CALHM4: variants seen among roughly 807,000 people sequenced by gnomAD.
The protein encoded by CALHM4 is calcium homeostasis modulator protein 4.
A neutral mutation model predicts 13.3 loss-of-function variants in CALHM4; 16 were observed. The ratio of observed to expected loss-of-function variants is 1.20; its 90% CI spans 0.81 to 1.82. CALHM4 has a LOEUF of 1.82. Among genes scored for constraint, CALHM4 ranks in the 40% most tolerant of loss-of-function variants. The probability of loss-of-function intolerance (pLI) is 0.00; values close to 1 mark genes in which losing one functional copy is unlikely to be tolerated. For missense variants in CALHM4, 344 were observed against 374.9 expected (o/e 0.92, Z 0.68); for synonymous variants, 127 against 137.1 (o/e 0.93, Z 0.52).
intron 1 of CALHM4, chr6:116,543,357 T>TGG: frequency 6.5e-7 from 1 of 1,550,090 alleles, no homozygotes; most frequent in Non-Finnish European, 8.7e-7. Context: ...CTTACACAGC[T>TGG]GGGCAACCAG....
intron 1 of CALHM4, among the ~76,000 whole-genome samples, chr6:116,557,399 T>C (rs1215245456): frequency 6.6e-6 from 1 of 152,230 alleles, no homozygotes; most frequent in African/African-American, 2.4e-5. Context: ...TTATGTATCA[T>C]ATCATTTTCA....
chr6:116,554,998 C>T (rs566008747), intron 1 of CALHM4, among the ~76,000 whole-genome samples: 1 of 152,166 alleles, frequency 6.6e-6, no homozygotes, highest in African/African-American at 2.4e-5. Context: ...TCATCAATTT[C>T]TCCAAGGGAT....
intron 1 of CALHM4, chr6:116,540,345 A>G (rs1462437086): frequency 1.3e-6 from 2 of 1,545,890 alleles, no homozygotes; most frequent in Admixed American, 3.9e-5. Context: ...ATATTGACAG[A>G]GATAAAAACA....
At chr6:116,537,850 C>G (rs1210838496) in intron 1 of CALHM4, among the ~76,000 whole-genome samples, 2 of 152,082 alleles carry the variant, frequency 1.3e-5, no homozygotes, top group African/African-American at 2.4e-5. Context: ...GAGTAAATAC[C>G]CAGTAAGAAG....
At chr6:116,556,643 C>T (rs13203768) in intron 1 of CALHM4, among the ~76,000 whole-genome samples, 57,283 of 152,034 alleles carry the variant, frequency 0.38, 12,427 homozygotes, top group East Asian at 0.54. Flanking sequence ...ATACTGCTAG[C>T]GTCCCTAAAT....
rs1774494424 is a variant in CALHM4, at chr6:116,559,607, A to G, written c.*1396A>G. Among the ~76,000 whole-genome samples the G allele has an allele frequency of 6.6e-6, 1 of 152,138 alleles. No homozygotes were observed. Among genetic ancestry groups the G allele is most frequent in the Non-Finnish European group, 1.5e-5 (1 of 68,002 alleles). On this transcript the variant is annotated 3_prime_UTR_variant, in exon 2 of 2. Coordinates refer to ENST00000368596, the MANE Select transcript of CALHM4 (RefSeq NM_001366078.2). ...GGGACAGGAGAACTGTCCTGCCCTC[A>G]CCATTACTCATCTGTCATTTGACCT...
intron 1 of CALHM4, among the ~76,000 whole-genome samples, chr6:116,535,330 TA>T (rs1773008574): frequency 6.6e-6 from 1 of 152,200 alleles, no homozygotes; most frequent in Non-Finnish European, 1.5e-5. Flanking sequence ...TCTTCCTTTT[TA>T]ATCTCCACTA....
chr6:116,531,896 TA>T (rs1183540019), intron 1 of CALHM4, among the ~76,000 whole-genome samples: 1 of 149,852 alleles, frequency 6.7e-6, no homozygotes, highest in African/African-American at 2.4e-5. Context: ...TATTTAATTT[TA>T]AAATATAATA....
intron 1 of CALHM4, among the ~76,000 whole-genome samples, chr6:116,534,720 T>TA (rs1480030418): frequency 6.6e-6 from 1 of 151,366 alleles, no homozygotes; most frequent in Admixed American, 6.5e-5. Context: ...CTTGATTTTT[T>TA]ATTACTCATC....
rs868226449 is a variant in CALHM4 at position 116,554,353 on chromosome 6, T to G, written c.558+2T>G. On this transcript the variant is annotated splice_donor_variant, in intron 1 of 1. Transcript: ENST00000368596. LOFTEE classifies it high-confidence loss of function. Reference sequence around the variant, plus strand: ...CTTCTGCACAGATACCAGTCACAGGTAAGTTTTTAGAATTTTTTTCCCTCT... The same window carrying G: ...CTTCTGCACAGATACCAGTCACAGGGAAGTTTTTAGAATTTTTTTCCCTCT... The G allele has an allele frequency of 2.1e-5, 32 of 1,520,382 alleles. No homozygotes were observed. The highest frequency in any genetic ancestry group is 2.7e-5 in the Non-Finnish European group (31 of 1,135,350). The allele number at this position is 1,520,382 out of a possible 1,614,324, so 94.2% of individuals were successfully genotyped here.
At chr6:116,537,206 G>A (rs1773155319) in intron 1 of CALHM4, among the ~76,000 whole-genome samples, 1 of 152,234 alleles carries the variant, frequency 6.6e-6, no homozygotes, top group African/African-American at 2.4e-5. Flanking sequence ...TTGCATAGGA[G>A]TGGAAGTGGA....
chr6:116,538,749 T>TG (rs1773249582), intron 1 of CALHM4, among the ~76,000 whole-genome samples: 4 of 151,580 alleles, frequency 2.6e-5, no homozygotes, highest in Admixed American at 2.6e-4. Context: ...TTTTTTTTTT[T>TG]GAAACAGGGT....
rs533257020 is a variant in CALHM4, at chr6:116,559,957, A to C, written c.*1746A>C. ...TGTACTGATCTTTTTCAAGTCATCA[A>C]GGAAAGCCATTCCAGTTTGTCTACT... On this transcript the variant is annotated 3_prime_UTR_variant, in exon 2 of 2. Coordinates refer to ENST00000368596, the MANE Select transcript of CALHM4 (RefSeq NM_001366078.2). Among the ~76,000 whole-genome samples the C allele has an allele frequency of 6.6e-6, 1 of 152,304 alleles. No homozygotes were observed. The highest frequency in any genetic ancestry group is 1.5e-5 in the Non-Finnish European group (1 of 68,014).
Position 116,560,746 on chromosome 6 carries a change from T to G in CALHM4, c.*2535T>G, listed in dbSNP as rs1401601152. 6.6e-6 allele frequency among the ~76,000 whole-genome samples: 1 copy of G among 152,270 alleles called. No individual in the cohort carries two copies. On this transcript the variant is annotated 3_prime_UTR_variant, in exon 2 of 2. Coordinates refer to ENST00000368596, the MANE Select transcript of CALHM4 (RefSeq NM_001366078.2). ...AGAACATGGTACTCCCTCCCCTTTA[T>G]GCTTAATGGATTTATGTAATTATAA...
intron 2 of CALHM4, among the ~76,000 whole-genome samples, chr6:116,546,349 C>A (rs1000986313): frequency 6.6e-5 from 10 of 152,190 alleles, no homozygotes; most frequent in African/African-American, 2.4e-4. Context: ...AAAATCCTTT[C>A]ACCTTGACAA....
Position 116,560,199 on chromosome 6 carries a change from A to G in CALHM4, c.*1988A>G, listed in dbSNP as rs1774522767. On this transcript the variant is annotated 3_prime_UTR_variant, in exon 2 of 2. Transcript: ENST00000368596. Reference sequence around the variant, plus strand: ...AATTTTTTATATTCTTCTGTATTGGAACATACTAGTTAAATGAACACTTTC... The same window carrying G: ...AATTTTTTATATTCTTCTGTATTGGGACATACTAGTTAAATGAACACTTTC... 6.6e-6 allele frequency among the ~76,000 whole-genome samples: 1 copy of G among 152,170 alleles called. No individual in the cohort carries two copies. The highest frequency in any genetic ancestry group is 1.5e-5 in the Non-Finnish European group (1 of 68,024).
exon 1 of CALHM4, chr6:116,529,067 G>C (rs1340619773): frequency 6.6e-6 from 1 of 152,342 alleles, no homozygotes; most frequent in East Asian, 1.9e-4. Flanking sequence ...TGCTCTCTCT[G>C]ACCGGGTCTC....
At chr6:116,532,910 C>T (rs1772830768) in intron 1 of CALHM4, among the ~76,000 whole-genome samples, 1 of 152,224 alleles carries the variant, frequency 6.6e-6, no homozygotes, top group Non-Finnish European at 1.5e-5. Context: ...AACATTACAA[C>T]TCTTGCTTCA....
At chr6:116,530,884 CATAG>C (rs1411120457) in intron 1 of CALHM4, among the ~76,000 whole-genome samples, 14 of 121,240 alleles carry the variant, frequency 1.2e-4, no homozygotes, top group African/African-American at 4.5e-4. Context: ...GCAGAAGGTT[CATAG>C]ATAAAGTGAG....
Sources: gnomAD v4.1 joint callset for allele counts (sites outside exome capture counted in the v4.1 genomes callset) on GRCh38, gnomAD v4.1.1 for gene constraint, MANE v1.5 for transcripts, NCBI Gene and HGNC (gene_info 2026-07-23, HGNC 2026-07-21) for gene names.